Variants in SYNE2 observed in about 807,000 individuals in gnomAD.
SYNE2 encodes the protein nesprin-2.
SYNE2 carries 431 observed loss-of-function variants against 856.3 expected under a neutral mutation model. The observed-to-expected ratio is 0.50, with a 90% CI of 0.47 to 0.55. The LOEUF is 0.55. Ranked by LOEUF, SYNE2 falls within the 20% of genes least tolerant of loss-of-function variation. SYNE2 has a pLI of 0.00. For synonymous variants in SYNE2, 2,923 were observed against 2,872.3 expected, an observed-to-expected ratio of 1.02 and a Z score of -0.56; for missense variants, 8,129 against 8,023.2, an observed-to-expected ratio of 1.01 and a Z score of -0.50.
chr14:64,070,660 A>G lies in SYNE2; in HGVS notation c.10447A>G (p.Ile3483Val), dbSNP rs1437245053. The change falls in exon 52 of 116, where the codon ATT (isoleucine) becomes GTT (valine). Residue 3483 changes from isoleucine to valine, a missense_variant. Around this residue, in one of 3 missense-constraint regions of SYNE2, gnomAD observed 5,410 missense variants for 5,284.8 expected, o/e 1.02. Coordinates refer to ENST00000555002, the MANE Select transcript of SYNE2 (RefSeq NM_182914.3). Reference sequence around the variant, plus strand: ...TTTGAATTAGATTGAACGAGAGGCAATTATTTTAGATAATCTTCAGGAAGA... The same window carrying G: ...TTTGAATTAGATTGAACGAGAGGCAGTTATTTTAGATAATCTTCAGGAAGA... ...FVSEEIEREA[I>V]ILDNLQEELP... 5.6e-6 allele frequency: 9 copies of G among 1,613,398 alleles called. No individual in the cohort carries two copies. Among genetic ancestry groups the G allele is most frequent in the Middle Eastern group, 3.3e-4 (2 of 6,084 alleles).
At chr14:64,176,895 T>C (rs1257308356) in intron 95 of SYNE2, among the ~76,000 whole-genome samples, 5 of 152,090 alleles carry the variant, frequency 3.3e-5, no homozygotes, top group Admixed American at 6.6e-5. Context: ...CCTCCCAGGT[T>C]CAAGCAATTC....
At chr14:64,168,605 GAC>G (rs2098394850) in intron 92 of SYNE2, among the ~76,000 whole-genome samples, 1 of 152,114 alleles carries the variant, frequency 6.6e-6, no homozygotes, top group South Asian at 2.1e-4. Flanking sequence ...AAATAAATGA[GAC>G]AATGCATGTT....
intron 1 of SYNE2, among the ~76,000 whole-genome samples, chr14:63,806,040 G>T (rs574153372): frequency 6.6e-6 from 1 of 152,090 alleles, no homozygotes; most frequent in Non-Finnish European, 1.5e-5. Context: ...ATGAGAGTGG[G>T]CATCTTTTGC....
At chr14:64,158,514 C>A in intron 85 of SYNE2, 111 bp from the exon 86 acceptor site, 2 of 1,160,538 alleles carry the variant, frequency 1.7e-6, no homozygotes, top group Non-Finnish European at 2.5e-6. Context: ...CACTGGTGAT[C>A]CTTCAATACT....
chr14:64,006,769 A>G (rs975001654), intron 30 of SYNE2, among the ~76,000 whole-genome samples: 2 of 152,162 alleles, frequency 1.3e-5, no homozygotes, highest in African/African-American at 4.8e-5. Flanking sequence ...TTGAGGCTGC[A>G]GTGAGCTGAG....
intron 21 of SYNE2, among the ~76,000 whole-genome samples, chr14:63,992,253 T>C (rs1261000959): frequency 6.8e-6 from 1 of 146,918 alleles, no homozygotes; most frequent in Non-Finnish European, 1.5e-5. Context: ...AAAAAAAAAA[T>C]AGAGGGTCCT....
At chr14:64,017,359 T>C (rs1280342002) in intron 33 of SYNE2, among the ~76,000 whole-genome samples, 1 of 145,328 alleles carries the variant, frequency 6.9e-6, no homozygotes, top group Admixed American at 6.9e-5. Flanking sequence ...AAAAAGAAAT[T>C]AGGAAGACTA....
At chr14:63,860,657 T>C (rs1019357569) in intron 1 of SYNE2, among the ~76,000 whole-genome samples, 4 of 152,254 alleles carry the variant, frequency 2.6e-5, no homozygotes, top group African/African-American at 9.6e-5. Flanking sequence ...CTTTGGGTAC[T>C]ACCACTGGGT....
At chr14:64,224,181 CA>C (rs35804232) in intron 113 of SYNE2, among the ~76,000 whole-genome samples, 1,876 of 74,702 alleles carry the variant, frequency 0.025, 32 homozygotes, top group African/African-American at 0.072. Context: ...CCCGTCTCTG[CA>C]AAAAAAAAAA....
intron 56 of SYNE2, among the ~76,000 whole-genome samples, chr14:64,080,994 C>T (rs148201573): frequency 1.5e-3 from 231 of 152,226 alleles, no homozygotes; most frequent in Admixed American, 3.7e-3. Flanking sequence ...GACTGTCATT[C>T]GGGGAAAAGA....
At chr14:64,005,219 G>T (rs1371302168) in intron 30 of SYNE2, among the ~76,000 whole-genome samples, 7 of 152,158 alleles carry the variant, frequency 4.6e-5, no homozygotes. Context: ...GAAATGTCTT[G>T]GTTTTCATCA....
At chr14:64,066,048 CTG>C (rs2097356455) in intron 51 of SYNE2, among the ~76,000 whole-genome samples, 1 of 152,072 alleles carries the variant, frequency 6.6e-6, no homozygotes, top group Non-Finnish European at 1.5e-5. Flanking sequence ...TGGAAATTAA[CTG>C]TAATTGTTAA....
At position 63,978,919 on chromosome 14, in the gene SYNE2, C is replaced by T; in HGVS notation, c.1474C>T (p.Leu492Phe). The T allele has an allele frequency of 6.2e-7, 1 of 1,612,620 alleles. No homozygotes were observed. The highest frequency in any genetic ancestry group is 8.5e-7 in the Non-Finnish European group (1 of 1,178,844). ...LEFHYYKCLV[L>F]GLVDEVKSKL... ...ATTTCATTACTACAAGTGCTTAGTT[C>T]TTGGTTTGGTAGATGAAGTGAAATC... The change falls in exon 14 of 116, where the codon CTT becomes TTT. Residue 492 changes from leucine (L) to phenylalanine (F), a missense_variant. Physicochemically the swap from Leu to Phe is conservative, Grantham distance 22 (BLOSUM62 0). Coordinates refer to ENST00000555002, the MANE Select transcript of SYNE2 (RefSeq NM_182914.3).
At chr14:64,138,110 G>A (rs187564853) in intron 79 of SYNE2, 127 bp downstream of exon 79, 2 of 1,026,860 alleles carry the variant, frequency 1.9e-6, no homozygotes, top group Non-Finnish European at 2.9e-6. Flanking sequence ...GTCTAAAGCA[G>A]TTGGGTCCCT....
chr14:64,170,159 A>G (rs566273751), intron 93 of SYNE2, 69 bp from the exon 94 acceptor site: 5 of 1,451,506 alleles, frequency 3.4e-6, no homozygotes, highest in South Asian at 1.2e-5. Context: ...CTGAGCTGCT[A>G]TTACCCACTG....
Position 64,190,722 on chromosome 14 carries a change from G to A in SYNE2, c.18038+485G>A. On this transcript the variant is annotated intron_variant, in intron 99 of 115. Coordinates refer to ENST00000555002, the MANE Select transcript of SYNE2 (RefSeq NM_182914.3). ...CTCTTAAAGTGTGTGGGCTCAGAGT[G>A]CCAGGTCTCCCATGGGTGTCTTGTC... The A allele has an allele frequency of 4.5e-6, 3 of 667,538 alleles. No individual in the cohort carries two copies. In the East Asian group the frequency reaches 8.1e-5, roughly 18 times the overall value. 41.4% of individuals were successfully genotyped at this position (667,538 alleles called of 1,614,324 possible). A position where few individuals can be genotyped will look rare whatever the true frequency, so the allele number is the denominator to read the frequency against.
intron 1 of SYNE2, among the ~76,000 whole-genome samples, chr14:63,855,541 T>G (rs1401602967): frequency 6.6e-6 from 1 of 152,206 alleles, no homozygotes; most frequent in African/African-American, 2.4e-5. Flanking sequence ...AATGACCCCC[T>G]GTCCCTAGCT....
intron 59 of SYNE2, among the ~76,000 whole-genome samples, chr14:64,090,126 G>T (rs898290759): frequency 1.3e-5 from 2 of 152,188 alleles, no homozygotes; most frequent in Non-Finnish European, 2.9e-5. Context: ...GCAGGCAAAT[G>T]TTGATCCCCT....
intron 98 of SYNE2, 76 bp downstream of exon 98, chr14:64,188,784 CA>C: frequency 2.0e-6 from 3 of 1,472,160 alleles, no homozygotes; most frequent in Non-Finnish European, 1.9e-6. Context: ...TAAGCCCAAA[CA>C]GGGGCAATGT....
Sources: gnomAD v4.1 joint callset for allele counts (sites outside exome capture counted in the v4.1 genomes callset) on GRCh38, gnomAD v4.1.1 for gene constraint, gnomAD v4.1.1 regional missense constraint, MANE v1.5 for transcripts, NCBI Gene and HGNC (gene_info 2026-07-23, HGNC 2026-07-21) for gene names.